PAX8: variants seen among roughly 807,000 people sequenced by gnomAD.
The protein encoded by PAX8 is paired box 8.
Under a neutral mutation model 52.4 loss-of-function variants are expected in PAX8, and 15 were observed. The observed-to-expected ratio is 0.29, with a 90% CI of 0.19 to 0.44. PAX8 has a LOEUF of 0.44. Among genes scored for constraint, PAX8 ranks in the 20% least tolerant of loss-of-function variants. The pLI, the probability that PAX8 is intolerant of heterozygous loss-of-function variation, is 1.00. For synonymous variants in PAX8, 284 were observed against 249.7 expected (o/e 1.14, Z -1.29); for missense variants, 554 against 602.5 (o/e 0.92, Z 0.84).
intron 10 of PAX8, among the ~76,000 whole-genome samples, chr2:113,221,351 G>C (rs755085176): frequency 5.9e-5 from 9 of 152,186 alleles, no homozygotes; most frequent in African/African-American, 9.7e-5. Context: ...ATGTGGTTCT[G>C]AGTCTCCTTC....
Position 113,236,608 on chromosome 2 carries a change from C to G in PAX8, c.891G>C (p.Val297=). ...RNLSTHQTYP[V]VADPHSPFAI... is the part of the protein sequence containing the mutation. Reference sequence around the variant, plus strand: ...AGGCTCCGGGCGTTGTACCTGCCACCACGGGGTAGGTCTGGTGAGTCGAGA... The same window carrying G: ...AGGCTCCGGGCGTTGTACCTGCCACGACGGGGTAGGTCTGGTGAGTCGAGA... The change falls in exon 8 of 12, where the codon GTG becomes GTC. Residue 297 remains valine (V), a synonymous_variant. Coordinates refer to ENST00000429538, the MANE Select transcript of PAX8 (RefSeq NM_003466.4). 1.9e-6 allele frequency: 3 copies of G among 1,580,020 alleles called. No individual in the cohort carries two copies. Among genetic ancestry groups the G allele is most frequent in the East Asian group, 4.6e-5 (2 of 43,128 alleles).
chr2:113,241,463 T>A, intron 7 of PAX8, 88 bp downstream of exon 7: 3 of 1,343,232 alleles, frequency 2.2e-6, no homozygotes, highest in Non-Finnish European at 2.1e-6. Flanking sequence ...AACTTCCAGC[T>A]GCTTTGATGG....
rs568399392 is a variant in PAX8, at chr2:113,262,124, C to G, written c.26-15205G>C. On this transcript the variant is annotated intron_variant, in intron 2 of 11. Transcript: ENST00000429538. ...GAATTACAGGCATGAGCCACTGTGC[C>G]CGGCCGATTTTAGGTTCTTGTATCA... is the stretch of plus-strand genomic sequence containing the variant. 4.1e-4 allele frequency among the ~76,000 whole-genome samples: 63 copies of G among 152,256 alleles called. 1 individual carries two copies. Among genetic ancestry groups the G allele is most frequent in the Non-Finnish European group, 4.4e-5 (3 of 68,014 alleles).
intron 2 of PAX8, among the ~76,000 whole-genome samples, chr2:113,250,436 C>G (rs546841531): frequency 6.6e-6 from 1 of 152,306 alleles, no homozygotes; most frequent in East Asian, 1.9e-4. Context: ...TTTTCTCAAA[C>G]TTCAGTGTGC....
intron 3 of PAX8, among the ~76,000 whole-genome samples, chr2:113,246,345 T>C (rs987110842): frequency 1.3e-5 from 2 of 152,168 alleles, no homozygotes; most frequent in Non-Finnish European, 2.9e-5. Flanking sequence ...AACTCAGATA[T>C]CACTCTTTTA....
intron 3 of PAX8, among the ~76,000 whole-genome samples, chr2:113,245,119 T>C (rs1691207578): frequency 6.6e-6 from 1 of 151,776 alleles, no homozygotes; most frequent in South Asian, 2.1e-4. Flanking sequence ...CAAGCTTGGC[T>C]CACTTCAAAC....
intron 2 of PAX8, among the ~76,000 whole-genome samples, chr2:113,248,592 A>G (rs1691510486): frequency 1.3e-5 from 2 of 152,188 alleles, no homozygotes; most frequent in Non-Finnish European, 2.9e-5. Flanking sequence ...GACTTAGCAC[A>G]TTCAGAACTG....
intron 2 of PAX8, chr2:113,269,285 G>A (rs1391891155): frequency 2.0e-5 from 3 of 152,208 alleles, no homozygotes; most frequent in Admixed American, 2.0e-4. Flanking sequence ...CACTGGCTCT[G>A]GAACAATGAG....
intron 2 of PAX8, among the ~76,000 whole-genome samples, chr2:113,256,628 ATATGTGTG>A (rs1360808183): frequency 0.023 from 3,010 of 130,314 alleles, 80 homozygotes; most frequent in African/African-American, 0.073. Flanking sequence ...ATATATATAT[ATATGTGTG>A]TGTGTGTGTG....
In PAX8 at chr2:113,216,950, C is replaced by A. The variant is rs945053090; in HGVS notation, c.*1583G>T. ...AATTTCAGCTTAACTTATATGAAGC[C>A]TTCCATACTGTGCCTGGCACACAAG... On this transcript the variant is annotated 3_prime_UTR_variant, in exon 12 of 12. Transcript: ENST00000429538. 2.2e-5 allele frequency: 5 copies of A among 230,754 alleles called. No individual in the cohort carries two copies. Among genetic ancestry groups the A allele is most frequent in the Non-Finnish European group, 4.3e-5 (5 of 116,428 alleles). The allele number at this position is 230,754 out of a possible 1,614,324, so 14.3% of individuals were successfully genotyped here.
chr2:113,234,337 A>T (rs1483989654), intron 9 of PAX8, among the ~76,000 whole-genome samples: 1 of 152,128 alleles, frequency 6.6e-6, no homozygotes, highest in African/African-American at 2.4e-5. Context: ...TGCCAGGAGG[A>T]GCCAGCTCCC....
chr2:113,220,591 G>A (rs1163963558), intron 10 of PAX8: 2 of 175,400 alleles, frequency 1.1e-5, no homozygotes, highest in Non-Finnish European at 2.5e-5. Flanking sequence ...TCCTTCTGCT[G>A]CCTGGACCTT....
intron 7 of PAX8, chr2:113,238,538 T>C (rs916796300): frequency 1.3e-5 from 2 of 152,406 alleles, no homozygotes; most frequent in Non-Finnish European, 2.9e-5. Context: ...AAAACCTATA[T>C]AGTCAAATCT....
In PAX8 at chr2:113,217,395, T is replaced by C. The variant is rs766654598; in HGVS notation, c.*1138A>G. On this transcript the variant is annotated 3_prime_UTR_variant, in exon 12 of 12. Coordinates refer to ENST00000429538, the MANE Select transcript of PAX8 (RefSeq NM_003466.4). Reference sequence around the variant, plus strand: ...AATGGTTTATTGAGTCATGTGGTAATGGCAGGTTGTCTTTAAAAAAAGAAA... The same window carrying C: ...AATGGTTTATTGAGTCATGTGGTAACGGCAGGTTGTCTTTAAAAAAAGAAA... The C allele has an allele frequency of 4.9e-5, 11 of 226,670 alleles. No individual in the cohort carries two copies. The highest frequency in any genetic ancestry group is 8.8e-5 in the Non-Finnish European group (10 of 113,852). The allele number at this position is 226,670 out of a possible 1,614,324, so 14.0% of individuals were successfully genotyped here.
chr2:113,235,250 C>T, intron 9 of PAX8, 144 bp downstream of exon 9: 6 of 667,350 alleles, frequency 9.0e-6, no homozygotes, highest in Non-Finnish European at 5.0e-6. Context: ...TTCATGTTGG[C>T]GCCTCCAAAA....
At chr2:113,244,922 G>A (rs1012904933) in intron 3 of PAX8, among the ~76,000 whole-genome samples, 2 of 152,128 alleles carry the variant, frequency 1.3e-5, no homozygotes, top group Non-Finnish European at 2.9e-5. Context: ...GCCATTGTAT[G>A]GGGCACAAAA....
rs766897463 is a variant in PAX8 at position 113,227,171 on chromosome 2, G to A, written c.1173C>T (p.Ile391=). The change falls in exon 10 of 12, where the codon ATC becomes ATT. Residue 391 remains isoleucine (I), a synonymous_variant. Coordinates refer to ENST00000429538, the MANE Select transcript of PAX8 (RefSeq NM_003466.4). ...SGQGSYASSA[I]AGMVAGSEYS... ...TCTCCTTACCTGCCACCATGCCTGCGATGGCAGAGGAGGCATAGCTGCCCT... is the reference window on the plus strand; with the variant it reads ...TCTCCTTACCTGCCACCATGCCTGCAATGGCAGAGGAGGCATAGCTGCCCT... 1.2e-5 allele frequency: 20 copies of A among 1,602,382 alleles called. 1 individual carries two copies. The highest frequency in any genetic ancestry group is 1.1e-4 in the East Asian group (5 of 44,500).
intron 5 of PAX8, 85 bp from the exon 6 acceptor site, chr2:113,242,215 C>A: frequency 8.5e-7 from 1 of 1,172,086 alleles, no homozygotes; most frequent in Non-Finnish European, 1.2e-6. Context: ...TACAGTTGAG[C>A]TGGGGACTGC....
intron 9 of PAX8, 62 bp from the exon 10 acceptor site, chr2:113,227,318 A>C: frequency 3.8e-6 from 5 of 1,327,404 alleles, no homozygotes; most frequent in Non-Finnish European, 5.3e-6. Context: ...GTATCATCTC[A>C]CTCTCCTGAG....
Sources: gnomAD v4.1 joint callset for allele counts (sites outside exome capture counted in the v4.1 genomes callset) on GRCh38, gnomAD v4.1.1 for gene constraint, MANE v1.5 for transcripts, NCBI Gene and HGNC (gene_info 2026-07-23, HGNC 2026-07-21) for gene names.